Variants in NBR1 observed in about 807,000 individuals in gnomAD.
NBR1 encodes NBR1 autophagy cargo receptor.
Under a neutral mutation model 115.5 loss-of-function variants are expected in NBR1, and 59 were observed. The observed-to-expected ratio is 0.51, with a 90% CI of 0.41 to 0.63. The LOEUF is 0.63. Among genes scored for constraint, NBR1 ranks in the 30% least tolerant of loss-of-function variants. NBR1 has a pLI of 0.00. For missense variants in NBR1, 1,043 were observed against 1,150.5 expected (o/e 0.91, Z 1.35); for synonymous variants, 373 against 414.7 (o/e 0.90, Z 1.22).
intron 5 of NBR1, among the ~76,000 whole-genome samples, chr17:43,185,105 A>G (rs963778428): frequency 3.9e-5 from 6 of 152,052 alleles, no homozygotes; most frequent in African/African-American, 1.4e-4. Flanking sequence ...AGAAAAAAAA[A>G]AAAACAGAAA....
chr17:43,189,946 C>A (rs1044326921), intron 8 of NBR1, 144 bp downstream of exon 8: 1 of 687,648 alleles, frequency 1.5e-6, no homozygotes, highest in Admixed American at 2.5e-5. Context: ...GCACAAGCTA[C>A]TCTTCACCCA....
Position 43,196,516 on chromosome 17 carries a change from A to G in NBR1, c.1786A>G (p.Ser596Gly). The G allele has an allele frequency of 6.2e-7, 1 of 1,600,532 alleles. No homozygotes were observed. Among genetic ancestry groups the G allele is most frequent in the East Asian group, 2.2e-5 (1 of 44,568 alleles). Residue 596 changes from serine to glycine, a missense_variant, in exon 15 of 21, where the codon AGT (serine) becomes GGT (glycine). By Grantham distance (56) the Ser-to-Gly change is moderately conservative. Transcript: ENST00000590996. ...TPCMSPLPHD[S>G]PLIEKPGLGQ... is the part of the protein sequence containing the mutation. ...CTGCATGTCTCCTCTGCCACATGAC[A>G]GTCCTTTAATAGAGAAGCCAGGCTT...
At chr17:43,180,674 A>C in intron 4 of NBR1, 121 bp from the exon 5 acceptor site, 1 of 1,126,764 alleles carries the variant, frequency 8.9e-7, no homozygotes, top group East Asian at 3.9e-5. Flanking sequence ...CCTTAATCTT[A>C]TGGAATCTTT....
intron 9 of NBR1, 74 bp from the exon 10 acceptor site, chr17:43,191,298 A>G: frequency 1.9e-6 from 2 of 1,051,892 alleles, no homozygotes; most frequent in Non-Finnish European, 2.8e-6. Context: ...ACTGATGGAA[A>G]TTGCAATTGG....
At chr17:43,193,324 T>C (rs778286659) in intron 11 of NBR1, 24 bp from the exon 12 acceptor site, 3 of 1,612,496 alleles carry the variant, frequency 1.9e-6, no homozygotes, top group Non-Finnish European at 2.5e-6. Flanking sequence ...CAAGCTTGCT[T>C]TCTCTTCTTA....
At chr17:43,191,848 G>A (rs538987531) in intron 10 of NBR1, among the ~76,000 whole-genome samples, 2 of 152,130 alleles carry the variant, frequency 1.3e-5, no homozygotes, top group South Asian at 4.2e-4. Context: ...AGCCTCCTGA[G>A]TAGCTGGGAC....
intron 20 of NBR1, among the ~76,000 whole-genome samples, chr17:43,207,489 C>T (rs2057339688): frequency 6.6e-6 from 1 of 152,192 alleles, no homozygotes; most frequent in Admixed American, 6.5e-5. Context: ...TCTTGAGTAG[C>T]AGGGACTACA....
At chr17:43,184,034 C>T (rs867563721) in intron 5 of NBR1, among the ~76,000 whole-genome samples, 18 of 151,134 alleles carry the variant, frequency 1.2e-4, no homozygotes, top group Non-Finnish European at 2.2e-4. Flanking sequence ...AAAATCACTT[C>T]GATATATTTT....
At position 43,200,171 on chromosome 17, in the gene NBR1, A is replaced by T. The variant is rs1263152519; in HGVS notation, c.2031A>T (p.Thr677=). The T allele has an allele frequency of 6.5e-7, 1 of 1,545,158 alleles. No individual in the cohort carries two copies. The highest frequency in any genetic ancestry group is 8.8e-7 in the Non-Finnish European group (1 of 1,142,634). ...TTGGTTGCTTTCATCCTTTAGTGACATTTGCCTTGCCTGAAGGACCACTTG... is the reference window on the plus strand; with the variant it reads ...TTGGTTGCTTTCATCCTTTAGTGACTTTTGCCTTGCCTGAAGGACCACTTG... ...PPCRQKSLQM[T]FALPEGPLGN... The change falls in exon 17 of 21, where the codon ACA becomes ACT. Residue 677 remains threonine, a synonymous_variant. Coordinates refer to ENST00000590996, the MANE Select transcript of NBR1 (RefSeq NM_005899.5).
chr17:43,187,502 C>CTTTTTTTTTT (rs71160025), intron 6 of NBR1, among the ~76,000 whole-genome samples: 1 of 68,836 alleles, frequency 1.5e-5, no homozygotes, highest in Non-Finnish European at 2.4e-5. Context: ...TATTTCCTGA[C>CTTTTTTTTTT]TTTTTTTTTT....
intron 20 of NBR1, among the ~76,000 whole-genome samples, chr17:43,208,829 T>C (rs1231007312): frequency 6.6e-6 from 1 of 151,980 alleles, no homozygotes; most frequent in Non-Finnish European, 1.5e-5. Flanking sequence ...TTGCCGGGCG[T>C]GGTAGCGCAG....
In NBR1 at chr17:43,209,982, C is replaced by T. The variant is rs754419388; in HGVS notation, c.2809C>T (p.Arg937Trp). Residue 937 changes from arginine to tryptophan, a missense_variant, in exon 21 of 21, where the codon CGG becomes TGG. Physicochemically the swap from Arg to Trp is moderately radical, Grantham distance 101. Coordinates refer to ENST00000590996, the MANE Select transcript of NBR1 (RefSeq NM_005899.5). The stretch of plus-strand genomic sequence containing the variant: ...ATTCTGTGACAGGCAGCTGAACCTA[C>T]GGCTGCTGAAGAAACACAATTACAA... The part of the protein sequence containing the change: ...MGFCDRQLNL[R>W]LLKKHNYNIL... The T allele has an allele frequency of 1.3e-5, 21 of 1,612,064 alleles. No homozygotes were observed. The highest frequency in any genetic ancestry group is 6.7e-5 in the East Asian group (3 of 44,788).
intron 1 of NBR1, among the ~76,000 whole-genome samples, chr17:43,173,072 C>G (rs1467305945): frequency 6.6e-6 from 1 of 152,116 alleles, no homozygotes; most frequent in African/African-American, 2.4e-5. Flanking sequence ...GTGATCCACC[C>G]ACCTCGGCCT....
chr17:43,202,450 A>C (rs770672345), intron 18 of NBR1, among the ~76,000 whole-genome samples: 7 of 151,982 alleles, frequency 4.6e-5, no homozygotes, highest in Non-Finnish European at 7.4e-5. Flanking sequence ...TTCAATAAAC[A>C]ATCATCTTGC....
Position 43,190,719 on chromosome 17 carries a change from C to G in NBR1, c.806C>G (p.Pro269Arg). 6.2e-7 allele frequency: 1 copy of G among 1,613,864 alleles called. No individual in the cohort carries two copies. ...LRRPVVGSSE[P>R]FCHSKYSTPR... The stretch of plus-strand genomic sequence containing the variant: ...AGACCTGTTGTGGGCTCCTCTGAAC[C>G]GTTCTGTCACTCAAAGTACTCTACT... The change falls in exon 9 of 21, where the codon CCG (proline) becomes CGG (arginine). Residue 269 changes from proline (P) to arginine (R), a missense_variant. Pro to Arg is a moderately radical substitution (Grantham distance 103). Transcript: ENST00000590996.
At chr17:43,199,459 C>T (rs1459559754) in intron 16 of NBR1, among the ~76,000 whole-genome samples, 2 of 151,856 alleles carry the variant, frequency 1.3e-5, no homozygotes, top group African/African-American at 2.4e-5. Context: ...CTGCAACCTC[C>T]GCCTTCCCAG....
At chr17:43,187,427 G>A (rs1312341864) in intron 6 of NBR1, among the ~76,000 whole-genome samples, 3 of 149,468 alleles carry the variant, frequency 2.0e-5, no homozygotes, top group South Asian at 2.1e-4. Context: ...TGGTCCGCCC[G>A]CCTTGGCCTC....
chr17:43,171,994 TGGAGACA>T (rs2056385031), intron 1 of NBR1, among the ~76,000 whole-genome samples: 1 of 151,976 alleles, frequency 6.6e-6, no homozygotes, highest in Admixed American at 6.6e-5. Flanking sequence ...AGGCCTCTGG[TGGAGACA>T]GTAATCAAAG....
intron 7 of NBR1, among the ~76,000 whole-genome samples, 173 bp downstream of exon 7, chr17:43,189,292 G>A (rs533465504): frequency 3.3e-4 from 51 of 152,340 alleles, no homozygotes; most frequent in African/African-American, 1.2e-3. Context: ...CCTTTGCAGT[G>A]AAGTGTCAGA....
Sources: allele counts gnomAD v4.1 joint callset (sites outside exome capture counted in the v4.1 genomes callset), GRCh38; gene constraint gnomAD v4.1.1; transcripts MANE v1.5; gene names NCBI Gene and HGNC (gene_info 2026-07-23, HGNC 2026-07-21).